PPP2R5A: variants seen among roughly 807,000 people sequenced by gnomAD.
The protein encoded by PPP2R5A is protein phosphatase 2 regulatory subunit B'alpha, also known as serine/threonine-protein phosphatase 2A 56 kDa regulatory subunit alpha isoform.
PPP2R5A carries 25 observed loss-of-function variants against 64.2 expected under a neutral mutation model. The observed-to-expected ratio is 0.39, with a 90% CI of 0.28 to 0.54. The LOEUF (loss-of-function observed/expected upper bound fraction) is 0.54. Among genes scored for constraint, PPP2R5A ranks in the 20% least tolerant of loss-of-function variants. PPP2R5A has a pLI of 0.67. For synonymous variants in PPP2R5A, 198 were observed against 201.2 expected (o/e 0.98, Z 0.13); for missense variants, 425 against 576.3 (o/e 0.74, Z 2.69).
At chr1:212,302,117 T>A (rs1383058308) in intron 1 of PPP2R5A, 1 of 1,490,988 alleles carries the variant, frequency 6.7e-7, no homozygotes, top group Non-Finnish European at 9.0e-7. Context: ...ATTTCAGTGT[T>A]CTACTTGGTA....
At chr1:212,309,162 G>C (rs185747251) in intron 1 of PPP2R5A, 1 of 1,229,902 alleles carries the variant, frequency 8.1e-7, no homozygotes, top group Admixed American at 1.8e-5. Flanking sequence ...TGGCCACATT[G>C]GTGTCATAGA....
Position 212,360,932 on chromosome 1 carries a change from C to A in PPP2R5A, c.*162C>A. The A allele has an allele frequency of 2.0e-6, 1 of 510,608 alleles. No homozygotes were observed. The highest frequency in any genetic ancestry group is 3.2e-6 in the Non-Finnish European group (1 of 313,584). 31.6% of individuals were successfully genotyped at this position (510,608 alleles called of 1,614,324 possible). A position where few individuals can be genotyped will look rare whatever the true frequency, so the allele number is the denominator to read the frequency against. The stretch of plus-strand genomic sequence containing the variant: ...TATATGGACTAAACGTAGCCCTGTG[C>A]TGTATCATGGCCATAGTATATTGTA... On this transcript the variant is annotated 3_prime_UTR_variant, in exon 13 of 13. Coordinates refer to ENST00000261461, the MANE Select transcript of PPP2R5A (RefSeq NM_006243.4).
intron 1 of PPP2R5A, among the ~76,000 whole-genome samples, chr1:212,310,290 G>C (rs61828725): frequency 1.4e-5 from 2 of 146,464 alleles, no homozygotes; most frequent in African/African-American, 4.9e-5. Context: ...CCACACTGCT[G>C]GGTTTTTTTT....
intron 7 of PPP2R5A, 40 bp from the exon 8 acceptor site, chr1:212,349,149 T>G: frequency 7.4e-7 from 1 of 1,353,704 alleles, no homozygotes; most frequent in Non-Finnish European, 1.0e-6. Flanking sequence ...TTATTAAATG[T>G]TATCTCACTA....
chr1:212,309,371 T>C, intron 1 of PPP2R5A: 1 of 1,510,102 alleles, frequency 6.6e-7, no homozygotes, highest in Non-Finnish European at 9.1e-7. Context: ...CGCAGTGTCT[T>C]GGGCCGCCGG....
intron 3 of PPP2R5A, among the ~76,000 whole-genome samples, chr1:212,336,988 C>G (rs1277330865): frequency 6.6e-6 from 1 of 152,094 alleles, no homozygotes; most frequent in Admixed American, 6.5e-5. Flanking sequence ...CATGAATTTT[C>G]TAAACATGTG....
At chr1:212,351,002 G>C (rs922568389) in intron 8 of PPP2R5A, among the ~76,000 whole-genome samples, 1 of 150,488 alleles carries the variant, frequency 6.6e-6, no homozygotes, top group Non-Finnish European at 1.5e-5. Context: ...AAATTAGCTG[G>C]GCATGGTGGC....
At position 212,339,585 on chromosome 1, in the gene PPP2R5A, T is replaced by C. The variant is rs112233472; in HGVS notation, c.481-2603T>C. ...TTGACTGATCACCTAATGTTTACTG[T>C]GTCAGGTAAATGATGTAGATGAAAA... is the stretch of plus-strand genomic sequence containing the variant. On this transcript the variant is annotated intron_variant, in intron 3 of 12. Transcript: ENST00000261461. Among the ~76,000 whole-genome samples the C allele has an allele frequency of 2.6e-5, 4 of 152,228 alleles. 1 individual carries two copies. The highest frequency in any genetic ancestry group is 9.6e-5 in the African/African-American group (4 of 41,480).
At chr1:212,351,229 T>A (rs144600245) in intron 8 of PPP2R5A, among the ~76,000 whole-genome samples, 1 of 151,102 alleles carries the variant, frequency 6.6e-6, no homozygotes, top group East Asian at 2.0e-4. Context: ...GGAGAGAGAG[T>A]AAGATAAATA....
intron 8 of PPP2R5A, among the ~76,000 whole-genome samples, chr1:212,351,114 C>CA (rs906177451): frequency 0.011 from 888 of 77,498 alleles, 5 homozygotes; most frequent in Non-Finnish European, 0.022. Context: ...AAAAAAAAAA[C>CA]AAAAAAACAA....
chr1:212,299,716 A>C (rs1399774882), intron 1 of PPP2R5A: 5 of 152,144 alleles, frequency 3.3e-5, no homozygotes, highest in Admixed American at 2.6e-4. Flanking sequence ...GAATGAACCA[A>C]CCTAATTTTG....
chr1:212,328,921 TA>T (rs66665238), intron 1 of PPP2R5A, among the ~76,000 whole-genome samples: 23,413 of 152,036 alleles, frequency 0.15, 2,500 homozygotes, highest in East Asian at 0.36. Flanking sequence ...CATATTTCTT[TA>T]AAAAAATTTT....
chr1:212,298,888 C>CT (rs1478419522), intron 1 of PPP2R5A, among the ~76,000 whole-genome samples: 5 of 42,842 alleles, frequency 1.2e-4, no homozygotes, highest in South Asian at 7.0e-4. Context: ...GCTGACCCCC[C>CT]ACCTCCCTCC....
At chr1:212,309,750 T>C (rs1658992881) in intron 1 of PPP2R5A, among the ~76,000 whole-genome samples, 1 of 152,124 alleles carries the variant, frequency 6.6e-6, no homozygotes, top group Non-Finnish European at 1.5e-5. Context: ...TTGGCTTCCC[T>C]GGGCCACATT....
At chr1:212,351,425 C>T (rs1659876951) in intron 8 of PPP2R5A, among the ~76,000 whole-genome samples, 1 of 151,996 alleles carries the variant, frequency 6.6e-6, no homozygotes, top group African/African-American at 2.4e-5. Flanking sequence ...ATAAGTAGCT[C>T]AGAGCTTTTG....
At chr1:212,344,943 C>T (rs1207486731) in intron 4 of PPP2R5A, among the ~76,000 whole-genome samples, 1 of 151,988 alleles carries the variant, frequency 6.6e-6, no homozygotes, top group Non-Finnish European at 1.5e-5. Context: ...GAGGGTGGAT[C>T]GCTTGAACTC....
intron 1 of PPP2R5A, chr1:212,301,856 T>A: frequency 7.7e-7 from 1 of 1,296,110 alleles, no homozygotes; most frequent in Non-Finnish European, 9.8e-7. Context: ...ATATGAGATC[T>A]TACTTTAGAT....
chr1:212,360,507 C>A, intron 12 of PPP2R5A, 131 bp from the exon 13 acceptor site: 1 of 773,424 alleles, frequency 1.3e-6, no homozygotes, highest in South Asian at 2.3e-5. Context: ...GGTAAGTGGA[C>A]TCCAAAGCTT....
chr1:212,331,149 C>T (rs1184606936), intron 2 of PPP2R5A, among the ~76,000 whole-genome samples: 3 of 133,802 alleles, frequency 2.2e-5, no homozygotes, highest in East Asian at 4.3e-4. Context: ...GGCTGGGCGA[C>T]AGAATGAGAC....
Sources: gnomAD v4.1 joint callset for allele counts (sites outside exome capture counted in the v4.1 genomes callset) on GRCh38, gnomAD v4.1.1 for gene constraint, MANE v1.5 for transcripts, NCBI Gene and HGNC (gene_info 2026-07-23, HGNC 2026-07-21) for gene names.